PXK: variants seen among roughly 807,000 people sequenced by gnomAD.
PXK encodes the protein PX domain containing serine/threonine kinase like.
PXK carries 35 observed loss-of-function variants against 84.7 expected under a neutral mutation model. The observed-to-expected ratio is 0.41, with a 90% CI of 0.32 to 0.55. The LOEUF (loss-of-function observed/expected upper bound fraction) is 0.55, where lower values mean the gene tolerates loss of function less well. Ranked by LOEUF, PXK falls within the 20% of genes least tolerant of loss-of-function variation. PXK has a pLI of 0.21. For missense variants in PXK, 634 were observed against 699.7 expected (o/e 0.91, Z 1.06); for synonymous variants, 253 against 260.8 (o/e 0.97, Z 0.29).
chr3:58,335,155 G>A (rs1399544011), intron 1 of PXK, among the ~76,000 whole-genome samples: 1 of 152,042 alleles, frequency 6.6e-6, no homozygotes, highest in Non-Finnish European at 1.5e-5. Context: ...GTATACAGAT[G>A]TGAGCCACCA....
chr3:58,411,203 G>T lies in PXK; in HGVS notation c.1465+1044G>T, dbSNP rs1294219724. On this transcript the variant is annotated intron_variant, in intron 16 of 17. Transcript: ENST00000356151. The surrounding 1 kb of genome is among the most constrained non-coding windows in gnomAD (Gnocchi z 4.2). ...GCGGGAGGAGAAAAGTGTACAAGAT[G>T]ATTAGGCTGCAGCCCAGAGGGCTGC... 6.6e-6 allele frequency among the ~76,000 whole-genome samples: 1 copy of T among 152,212 alleles called. No homozygotes were observed. Among genetic ancestry groups the T allele is most frequent in the Non-Finnish European group, 1.5e-5 (1 of 68,046 alleles).
At chr3:58,356,383 T>C (rs1662205319) in intron 1 of PXK, among the ~76,000 whole-genome samples, 1 of 152,116 alleles carries the variant, frequency 6.6e-6, no homozygotes, top group Admixed American at 6.5e-5. Flanking sequence ...TGATGGGCCT[T>C]GGTGCTTTAT....
chr3:58,406,260 A>T (rs939471387), intron 13 of PXK, among the ~76,000 whole-genome samples: 5 of 149,610 alleles, frequency 3.3e-5, no homozygotes, highest in Non-Finnish European at 7.4e-5. Context: ...CACCCGGCCA[A>T]TTTTTTTAAT....
intron 2 of PXK, 43 bp from the exon 3 acceptor site, chr3:58,369,388 A>G (rs1473133540): frequency 4.8e-6 from 7 of 1,462,330 alleles, no homozygotes; most frequent in Middle Eastern, 1.8e-4. Flanking sequence ...ATGAAAAGAG[A>G]TAGTCTTTGC....
In PXK at chr3:58,399,368, T is replaced by C. The variant is rs199881366; in HGVS notation, c.1172T>C (p.Leu391Ser). 8.2e-5 allele frequency: 132 copies of C among 1,613,278 alleles called. No homozygotes were observed. The East Asian group carries it at 2.6e-3, about 31-fold the overall frequency. ...GGCATGCCTACCATCTCCCGGCTCT[T>C]ACAGATGCCGTAAGTCAATCATATG... The part of the protein sequence containing the change: ...KNGMPTISRL[L>S]QMPLFSDVLL... Residue 391 changes from leucine (L) to serine (S), a missense_variant, in exon 12 of 18, where the codon TTA (leucine) becomes TCA (serine). By Grantham distance (145) the Leu-to-Ser change is moderately radical. This residue lies in a region of PXK where 273 missense variants were observed against 283.6 expected (regional missense o/e 0.96). Transcript: ENST00000356151. The surrounding 1 kb of genome is among the most constrained non-coding windows in gnomAD (Gnocchi z 4.3).
At chr3:58,359,507 G>A (rs1341094100) in intron 1 of PXK, among the ~76,000 whole-genome samples, 1 of 148,772 alleles carries the variant, frequency 6.7e-6, no homozygotes, top group African/African-American at 2.5e-5. Context: ...CTCCAGCCTG[G>A]CCACAGAGTG....
At chr3:58,366,296 T>C (rs1559940538) in intron 2 of PXK, among the ~76,000 whole-genome samples, 1 of 152,178 alleles carries the variant, frequency 6.6e-6, no homozygotes, top group Admixed American at 6.5e-5. Flanking sequence ...GTCTTGGTTA[T>C]TGTACAGTTT....
rs1376307752 is a variant in PXK, at chr3:58,421,843, G to A, written c.1529-2909G>A. The A allele has an allele frequency of 8.6e-5, 85 of 985,296 alleles. No homozygotes were observed. Among genetic ancestry groups the A allele is most frequent in the Non-Finnish European group, 9.8e-5 (81 of 829,942 alleles). The allele number at this position is 985,296 out of a possible 1,614,324, so 61.0% of individuals were successfully genotyped here. ...GGGAGAAATCGGGACTGACCTGGTC[G>A]TAACTGAAGGTAAGCTGTTTGCAGC... On this transcript the variant is annotated intron_variant, in intron 17 of 17. Coordinates refer to ENST00000356151, the MANE Select transcript of PXK (RefSeq NM_017771.5). This position sits in a 1 kb window ranked among gnomAD's most constrained non-coding sequence, Gnocchi z 5.5.
intron 4 of PXK, among the ~76,000 whole-genome samples, chr3:58,386,763 T>A (rs931068985): frequency 2.0e-5 from 3 of 152,136 alleles, no homozygotes; most frequent in African/African-American, 7.2e-5. Context: ...GGTCCCAGCT[T>A]TGTCATTAGC....
At position 58,391,860 on chromosome 3, in the gene PXK, C is replaced by T. The variant is rs1435569355; in HGVS notation, c.615+13C>T. ...GCCTTCTTGTTTGGTGAGTATACGT[C>T]TTTCTTTTATTCTCAGTGCTGATGA... On this transcript the variant is annotated intron_variant, in intron 7 of 17. Coordinates refer to ENST00000356151, the MANE Select transcript of PXK (RefSeq NM_017771.5). 6.3e-7 allele frequency: 1 copy of T among 1,592,696 alleles called. No individual in the cohort carries two copies. The highest frequency in any genetic ancestry group is 2.2e-5 in the East Asian group (1 of 44,738).
chr3:58,372,562 TCTGCCTGCCTCGGCCTCCC>T (rs2098390745), intron 3 of PXK, among the ~76,000 whole-genome samples: 1 of 151,820 alleles, frequency 6.6e-6, no homozygotes, highest in Non-Finnish European at 1.5e-5. Context: ...GACCTTGTGA[TCTGCCTGCCTCGGCCTCCC>T]AAAGTGCTGG....
chr3:58,351,365 C>CTGTA (rs997899695), intron 1 of PXK, among the ~76,000 whole-genome samples: 45 of 150,874 alleles, frequency 3.0e-4, no homozygotes, highest in African/African-American at 1.1e-3. Context: ...ATAGCTGAGA[C>CTGTA]TACAGGTGTG....
intron 2 of PXK, among the ~76,000 whole-genome samples, chr3:58,366,915 G>T (rs375124648): frequency 6.6e-5 from 10 of 152,134 alleles, no homozygotes; most frequent in Admixed American, 1.3e-4. Flanking sequence ...ACCACTCTAC[G>T]ATCTTTTGCT....
At chr3:58,393,256 G>A (rs2098649225) in intron 7 of PXK, among the ~76,000 whole-genome samples, 2 of 152,050 alleles carry the variant, frequency 1.3e-5, no homozygotes, top group Non-Finnish European at 2.9e-5. Context: ...GCTGAGGCAG[G>A]AGAATGGCGT....
chr3:58,359,890 A>G (rs1394591034), intron 1 of PXK, among the ~76,000 whole-genome samples: 4 of 152,094 alleles, frequency 2.6e-5, no homozygotes, highest in Admixed American at 1.3e-4. Context: ...GCTCATGCCT[A>G]TAATCCCAGC....
intron 1 of PXK, 22 bp from the exon 2 acceptor site, chr3:58,365,852 A>G: frequency 6.6e-7 from 1 of 1,516,112 alleles, no homozygotes; most frequent in Non-Finnish European, 8.8e-7. Context: ...AACTGAGGTT[A>G]TTCTTCCCTT....
At chr3:58,360,174 T>A (rs1371821411) in intron 1 of PXK, among the ~76,000 whole-genome samples, 1 of 152,066 alleles carries the variant, frequency 6.6e-6, no homozygotes, top group Non-Finnish European at 1.5e-5. Context: ...ACTACACAAG[T>A]CAGTTTTGAA....
chr3:58,425,015 AC>A lies in PXK; in HGVS notation c.*61del, dbSNP rs1233383412. 19 of 1,582,726 alleles carry A rather than the reference AC, an allele frequency of 1.2e-5. No homozygotes were observed. The highest frequency in any genetic ancestry group is 4.5e-5 in the East Asian group (2 of 44,266). On this transcript the variant is annotated 3_prime_UTR_variant, in exon 18 of 18. Transcript: ENST00000356151. ...TTCTTTTTTATTCCTACTCACCCCT[AC>A]CCCCCAAACTACCCTCTTCCTGGGA...
At chr3:58,417,995 T>C (rs1448838458) in intron 17 of PXK, among the ~76,000 whole-genome samples, 2 of 152,158 alleles carry the variant, frequency 1.3e-5, no homozygotes, top group Admixed American at 1.3e-4. Context: ...ATTTTTATAT[T>C]TTTTTGTAGA....
Sources: gnomAD v4.1 joint callset for allele counts (sites outside exome capture counted in the v4.1 genomes callset) on GRCh38, gnomAD v4.1.1 for gene constraint, gnomAD v4.1.1 regional missense constraint, Gnocchi (gnomAD v3.1) non-coding constraint, MANE v1.5 for transcripts, NCBI Gene and HGNC (gene_info 2026-07-23, HGNC 2026-07-21) for gene names.